Variants in CNTN3 observed in about 807,000 individuals in gnomAD.
CNTN3 encodes the protein contactin 3, also known as contactin-3.
CNTN3 carries 60 observed loss-of-function variants against 119.1 expected under a neutral mutation model. The observed-to-expected ratio is 0.50, with a 90% CI of 0.41 to 0.62. CNTN3 has a LOEUF of 0.62. Among genes scored for constraint, CNTN3 ranks in the 20% least tolerant of loss-of-function variants. CNTN3 has a pLI of 0.00. For synonymous variants in CNTN3, 450 were observed against 438.7 expected, an observed-to-expected ratio of 1.03 and a Z score of -0.32; for missense variants, 1,101 against 1,242.4, an observed-to-expected ratio of 0.89 and a Z score of 1.71.
chr3:74,395,797 C>T (rs1402181245), intron 5 of CNTN3, among the ~76,000 whole-genome samples: 1 of 151,816 alleles, frequency 6.6e-6, no homozygotes, highest in East Asian at 1.9e-4. Flanking sequence ...GTGTGGCAGC[C>T]CTGTGTAGAC....
At chr3:74,531,160 T>C (rs1575811633) in intron 1 of CNTN3, among the ~76,000 whole-genome samples, 1 of 151,960 alleles carries the variant, frequency 6.6e-6, no homozygotes, top group Non-Finnish European at 1.5e-5. Flanking sequence ...GGAGGGAGAT[T>C]AGTTTTCCCT....
At chr3:74,393,869 A>G (rs1704978781) in intron 5 of CNTN3, among the ~76,000 whole-genome samples, 1 of 152,212 alleles carries the variant, frequency 6.6e-6, no homozygotes, top group Non-Finnish European at 1.5e-5. Context: ...TGTAGCTGAT[A>G]TATCTCTGAA....
Position 74,371,254 on chromosome 3 carries a change from A to G in CNTN3, c.600T>C (p.Ser200=). 6.2e-7 allele frequency: 1 copy of G among 1,613,542 alleles called. No homozygotes were observed. Among genetic ancestry groups the G allele is most frequent in the Non-Finnish European group, 8.5e-7 (1 of 1,179,686 alleles). The change falls in exon 6 of 23, where the codon AGT becomes AGC. Residue 200 remains serine (S), a synonymous_variant. Transcript: ENST00000263665. ...CCAGCACTCGGGCATTTGTCACCAT[A>G]CTTGTCACCACACATGTGTAATTTC... The part of the protein sequence containing the change: ...DVGNYTCVVT[S]MVTNARVLGS...
chr3:74,595,177 T>C (rs1037327385), intron 1 of CNTN3, among the ~76,000 whole-genome samples: 22 of 152,042 alleles, frequency 1.4e-4, no homozygotes, highest in Non-Finnish European at 2.4e-4. Flanking sequence ...GAGTTCATTG[T>C]AGATTCTGGA....
intron 4 of CNTN3, among the ~76,000 whole-genome samples, chr3:74,445,096 T>G (rs902005926): frequency 1.3e-5 from 2 of 152,198 alleles, no homozygotes; most frequent in African/African-American, 4.8e-5. Context: ...AATATCTGTC[T>G]TTCAGTATGA....
At chr3:74,340,586 T>C (rs1703509906) in intron 11 of CNTN3, among the ~76,000 whole-genome samples, 1 of 152,118 alleles carries the variant, frequency 6.6e-6, no homozygotes, top group Non-Finnish European at 1.5e-5. Context: ...ATTTTACCTA[T>C]CATTGTTATT....
chr3:74,582,914 T>C (rs568183191), intron 1 of CNTN3, among the ~76,000 whole-genome samples: 11 of 152,212 alleles, frequency 7.2e-5, no homozygotes, highest in Admixed American at 6.5e-4. Context: ...ATAATCCATA[T>C]TTACAGTTGT....
intron 13 of CNTN3, among the ~76,000 whole-genome samples, chr3:74,304,141 T>G (rs1330038394): frequency 6.6e-6 from 1 of 152,358 alleles, no homozygotes; most frequent in African/African-American, 2.4e-5. Flanking sequence ...ATGGGTTGCA[T>G]GTTCTCTGTT....
At chr3:74,400,418 A>G (rs1705161679) in intron 5 of CNTN3, among the ~76,000 whole-genome samples, 1 of 152,172 alleles carries the variant, frequency 6.6e-6, no homozygotes, top group Non-Finnish European at 1.5e-5. Flanking sequence ...TTACTCTTTC[A>G]ATTAGAATCT....
intron 2 of CNTN3, among the ~76,000 whole-genome samples, chr3:74,517,685 T>C (rs938104500): frequency 5.9e-5 from 9 of 151,888 alleles, no homozygotes; most frequent in Non-Finnish European, 1.3e-4. Context: ...TCAATTTCCA[T>C]GACATCCTGC....
chr3:74,538,239 T>C (rs1434886488), intron 1 of CNTN3, among the ~76,000 whole-genome samples: 1 of 152,126 alleles, frequency 6.6e-6, no homozygotes, highest in African/African-American at 2.4e-5. Flanking sequence ...TGTTGATACT[T>C]AGTTGAAAGG....
chr3:74,611,854 G>A (rs1035413332), intron 1 of CNTN3, among the ~76,000 whole-genome samples: 2 of 152,156 alleles, frequency 1.3e-5, no homozygotes, highest in African/African-American at 2.4e-5. Flanking sequence ...AGGCAGACTG[G>A]TGGTGACAAC....
intron 1 of CNTN3, among the ~76,000 whole-genome samples, chr3:74,593,699 A>G (rs978066016): frequency 3.9e-5 from 6 of 151,970 alleles, no homozygotes; most frequent in Non-Finnish European, 7.4e-5. Context: ...AAGGCTACGT[A>G]GTTAGGAGGG....
chr3:74,295,495 T>G (rs932510558), intron 18 of CNTN3, among the ~76,000 whole-genome samples: 4 of 152,304 alleles, frequency 2.6e-5, no homozygotes, highest in Non-Finnish European at 4.4e-5. Context: ...CTTGGCATCT[T>G]CCTTATCTTC....
At chr3:74,461,944 A>C (rs1355325501) in intron 4 of CNTN3, among the ~76,000 whole-genome samples, 1 of 152,074 alleles carries the variant, frequency 6.6e-6, no homozygotes, top group Admixed American at 6.6e-5. Context: ...GTCCCCACCC[A>C]AATCTCATGT....
chr3:74,418,085 C>T (rs868744970), intron 5 of CNTN3, among the ~76,000 whole-genome samples: 5 of 152,140 alleles, frequency 3.3e-5, no homozygotes, highest in East Asian at 1.9e-4. Flanking sequence ...GCAACTTTTG[C>T]ACCTGCTCCT....
chr3:74,605,941 A>G (rs1199387834), intron 1 of CNTN3, among the ~76,000 whole-genome samples: 2 of 152,160 alleles, frequency 1.3e-5, no homozygotes, highest in Non-Finnish European at 2.9e-5. Flanking sequence ...ACAGTCTATT[A>G]TAGGCCTGAT....
At chr3:74,418,921 T>C (rs1701572912) in intron 5 of CNTN3, among the ~76,000 whole-genome samples, 1 of 151,920 alleles carries the variant, frequency 6.6e-6, no homozygotes. Flanking sequence ...CCCAAGTAGC[T>C]AGGACTATAG....
intron 4 of CNTN3, among the ~76,000 whole-genome samples, chr3:74,440,811 T>C (rs1369671610): frequency 6.6e-6 from 1 of 152,208 alleles, no homozygotes; most frequent in Non-Finnish European, 1.5e-5. Flanking sequence ...CTTTAAACAA[T>C]ACAGCATAAC....
Sources: gnomAD v4.1 joint callset for allele counts (sites outside exome capture counted in the v4.1 genomes callset) on GRCh38, gnomAD v4.1.1 for gene constraint, MANE v1.5 for transcripts, NCBI Gene and HGNC (gene_info 2026-07-23, HGNC 2026-07-21) for gene names.